The following LRBA variants were observed in gnomAD, a reference collection of about 807,000 sequenced individuals.
LRBA encodes lipopolysaccharide-responsive and beige-like anchor protein.
LRBA carries 176 observed loss-of-function variants against 330.0 expected under a neutral mutation model. That is an observed-to-expected ratio of 0.53 (90% CI 0.47 to 0.60). The LOEUF is 0.60. Among genes scored for constraint, LRBA ranks in the 20% least tolerant of loss-of-function variants. The pLI is 0.00. For missense variants in LRBA, 3,259 were observed against 3,444.8 expected (o/e 0.95, Z 1.35); for synonymous variants, 1,230 against 1,193.0 (o/e 1.03, Z -0.64).
At chr4:150,916,864 A>G in intron 5 of LRBA, 126 bp from the exon 6 acceptor site, 1 of 764,602 alleles carries the variant, frequency 1.3e-6, no homozygotes, top group Non-Finnish European at 1.9e-6. Flanking sequence ...CACAATTAAA[A>G]TATCTGAGGC....
chr4:150,654,641 T>G (rs1051437403), intron 37 of LRBA, among the ~76,000 whole-genome samples: 1 of 152,178 alleles, frequency 6.6e-6, no homozygotes, highest in South Asian at 2.1e-4. Flanking sequence ...GTGCTGCACC[T>G]ATTAACTCGT....
At chr4:150,388,984 G>A (rs1241503049) in intron 47 of LRBA, among the ~76,000 whole-genome samples, 1 of 152,046 alleles carries the variant, frequency 6.6e-6, no homozygotes, top group Non-Finnish European at 1.5e-5. Flanking sequence ...CTGTTCTAGA[G>A]CCTAGAAAAG....
At chr4:150,349,625 ATG>A (rs1424277246) in intron 48 of LRBA, among the ~76,000 whole-genome samples, 2 of 152,200 alleles carry the variant, frequency 1.3e-5, no homozygotes, top group Non-Finnish European at 2.9e-5. Flanking sequence ...ACATATAAAT[ATG>A]TGTTTTATCA....
At chr4:150,428,306 G>A (rs1254551148) in intron 46 of LRBA, among the ~76,000 whole-genome samples, 1 of 151,938 alleles carries the variant, frequency 6.6e-6, no homozygotes. Flanking sequence ...AGGTTTTTAA[G>A]TGAAAAATCC....
intron 40 of LRBA, among the ~76,000 whole-genome samples, chr4:150,504,036 T>A (rs953358248): frequency 7.2e-5 from 11 of 151,936 alleles, no homozygotes; most frequent in African/African-American, 2.4e-4. Context: ...AAGAGAAGTT[T>A]AGAGAAAAAA....
intron 49 of LRBA, among the ~76,000 whole-genome samples, chr4:150,323,855 C>G (rs1456953709): frequency 6.6e-6 from 1 of 152,202 alleles, no homozygotes; most frequent in African/African-American, 2.4e-5. Context: ...GAAACAAAGC[C>G]TCTTTTAATA....
chr4:150,719,054 G>A (rs1320468201), intron 36 of LRBA, among the ~76,000 whole-genome samples: 1 of 151,996 alleles, frequency 6.6e-6, no homozygotes, highest in East Asian at 1.9e-4. Flanking sequence ...ACCTCTAATA[G>A]CTACTGAAAT....
At chr4:150,614,931 C>T (rs997176094) in intron 37 of LRBA, among the ~76,000 whole-genome samples, 3 of 152,052 alleles carry the variant, frequency 2.0e-5, no homozygotes, top group Admixed American at 6.5e-5. Flanking sequence ...ACAATAAGTA[C>T]CAAAGACAAA....
At chr4:151,010,907 G>T (rs1031571339) in intron 2 of LRBA, among the ~76,000 whole-genome samples, 15 of 148,008 alleles carry the variant, frequency 1.0e-4, no homozygotes, top group Non-Finnish European at 2.2e-4. Context: ...AAAAAAAAAG[G>T]CCGGGCACAG....
chr4:150,645,405 T>G (rs1429292656), intron 37 of LRBA, among the ~76,000 whole-genome samples: 1 of 151,902 alleles, frequency 6.6e-6, no homozygotes, highest in Non-Finnish European at 1.5e-5. Context: ...TAATATGAAG[T>G]TACTTTATAT....
At chr4:150,638,052 CA>C (rs1324024328) in intron 37 of LRBA, among the ~76,000 whole-genome samples, 1 of 151,990 alleles carries the variant, frequency 6.6e-6, no homozygotes, top group Non-Finnish European at 1.5e-5. Context: ...TAGCATCCTA[CA>C]TTATACTGCA....
At chr4:150,267,318 T>G (rs543288395) in intron 56 of LRBA, among the ~76,000 whole-genome samples, 1 of 152,304 alleles carries the variant, frequency 6.6e-6, no homozygotes, top group Admixed American at 6.5e-5. Flanking sequence ...TAGTAAAGAT[T>G]AAAATCACAA....
chr4:150,588,809 T>A (rs1447610541), intron 39 of LRBA, among the ~76,000 whole-genome samples: 1 of 152,170 alleles, frequency 6.6e-6, no homozygotes, highest in Non-Finnish European at 1.5e-5. Flanking sequence ...AAATCTAATA[T>A]TAGTGTAGTT....
chr4:150,351,226 A>T (rs1192961262), intron 47 of LRBA, among the ~76,000 whole-genome samples: 1 of 152,210 alleles, frequency 6.6e-6, no homozygotes, highest in African/African-American at 2.4e-5. Flanking sequence ...ATAAATACTA[A>T]AGACTTTTAA....
rs771140734 is a variant in LRBA at position 150,471,683 on chromosome 4, C to A, written c.6608G>T (p.Arg2203Leu). ...ATTAGATATCTCTCTGTGTTGCCAT[C>A]GCTGGGTCATATTAGAAGCCTTAAA... ...QLFKASNMTQRWQHREISNFE... is the reference protein window; with the variant it reads ...QLFKASNMTQLWQHREISNFE... The change falls in exon 43 of 57, where the codon CGA (arginine) becomes CTA (leucine). Residue 2203 changes from arginine to leucine, a missense_variant. Coordinates refer to ENST00000651943, the MANE Select transcript of LRBA (RefSeq NM_001364905.1). 1 of 1,609,558 alleles carries A rather than the reference C, an allele frequency of 6.2e-7. No individual in the cohort carries two copies. Among genetic ancestry groups the A allele is most frequent in the African/African-American group, 1.3e-5 (1 of 74,670 alleles).
intron 11 of LRBA, 39 bp from the exon 12 acceptor site, chr4:150,906,444 T>G: frequency 8.8e-7 from 1 of 1,138,054 alleles, no homozygotes; most frequent in Non-Finnish European, 1.3e-6. Context: ...AAAAAACATA[T>G]TCTATTTTTT....
At chr4:150,652,037 T>A (rs140145008) in intron 37 of LRBA, among the ~76,000 whole-genome samples, 38 of 152,124 alleles carry the variant, frequency 2.5e-4, no homozygotes, top group African/African-American at 8.9e-4. Flanking sequence ...AGAGATGGGG[T>A]TTTGCCATGT....
intron 30 of LRBA, among the ~76,000 whole-genome samples, chr4:150,823,374 A>G (rs965901118): frequency 6.6e-6 from 1 of 152,190 alleles, no homozygotes; most frequent in African/African-American, 2.4e-5. Flanking sequence ...TCAGTTAACC[A>G]GAATTATAAG....
intron 14 of LRBA, among the ~76,000 whole-genome samples, chr4:150,899,000 T>C (rs952615908): frequency 3.9e-5 from 6 of 152,210 alleles, no homozygotes; most frequent in Admixed American, 3.3e-4. Context: ...AGCCTCTTAC[T>C]GCAATCAGAA....
Sources: allele counts gnomAD v4.1 joint callset (sites outside exome capture counted in the v4.1 genomes callset), GRCh38; gene constraint gnomAD v4.1.1; transcripts MANE v1.5; gene names NCBI Gene and HGNC (gene_info 2026-07-23, HGNC 2026-07-21).